Variants in VASN observed in about 807,000 individuals in gnomAD.
The protein encoded by VASN is protein slit-like 2.
In VASN, 5 loss-of-function variants were observed where a neutral mutation model predicts 4.8. The observed-to-expected ratio is 1.03, with a 90% CI of 0.54 to 2.17. VASN has a LOEUF of 2.17. VASN is among the 30% of genes most tolerant of loss of function. The pLI, the probability that VASN is intolerant of heterozygous loss-of-function variation, is 0.01. For synonymous variants in VASN, 499 were observed against 460.8 expected (o/e 1.08, Z -1.06); for missense variants, 927 against 948.8 (o/e 0.98, Z 0.30).
chr16:4,374,086 C>CGTGTGTGTGTGTGTGT (rs112578905), intron 1 of VASN, among the ~76,000 whole-genome samples: 10 of 148,774 alleles, frequency 6.7e-5, no homozygotes, highest in African/African-American at 2.2e-4. Context: ...GGAGGGTGCA[C>CGTGTGTGTGTGTGTGT]GTGTGTGTGT....
At chr16:4,377,831 A>G (rs1340838365) in intron 1 of VASN, among the ~76,000 whole-genome samples, 1 of 152,116 alleles carries the variant, frequency 6.6e-6, no homozygotes, top group Admixed American at 6.5e-5. Flanking sequence ...CGCACATTTT[A>G]CGGGGCTGGG....
intron 1 of VASN, among the ~76,000 whole-genome samples, chr16:4,373,609 C>A: frequency 6.6e-6 from 1 of 152,176 alleles, no homozygotes; most frequent in East Asian, 1.9e-4. Context: ...AAGGGAGATG[C>A]CCCGGGCAGG....
chr16:4,382,020 C>T lies in VASN; in HGVS notation c.1143C>T (p.Ser381=), dbSNP rs1305951120. 6.2e-7 allele frequency: 1 copy of T among 1,602,460 alleles called. No individual in the cohort carries two copies. The highest frequency in any genetic ancestry group is 8.5e-7 in the Non-Finnish European group (1 of 1,176,276). ...LSSSLAPTWL[S]PTEPATEAPS... ...CTAGCTTGGCTCCTACCTGGCTTAGCCCCACAGAGCCGGCCACTGAGGCCC... is the reference window on the plus strand; with the variant it reads ...CTAGCTTGGCTCCTACCTGGCTTAGTCCCACAGAGCCGGCCACTGAGGCCC... Residue 381 remains serine (S), a synonymous_variant, in exon 2 of 2, where the codon AGC becomes AGT. Coordinates refer to ENST00000304735, the MANE Select transcript of VASN (RefSeq NM_138440.3).
intron 1 of VASN, among the ~76,000 whole-genome samples, chr16:4,378,497 C>T (rs1303292620): frequency 1.3e-5 from 2 of 152,174 alleles, no homozygotes; most frequent in Non-Finnish European, 2.9e-5. Flanking sequence ...GGGTCACTCA[C>T]AGCCCACATC....
At chr16:4,380,731 G>A in intron 1 of VASN, 138 bp from the exon 2 acceptor site, 5 of 989,146 alleles carry the variant, frequency 5.1e-6, no homozygotes, top group Non-Finnish European at 7.2e-6. Context: ...TCGGGGCACT[G>A]GCGACCTGAC....
chr16:4,375,710 G>C (rs915373091), intron 1 of VASN, among the ~76,000 whole-genome samples: 1 of 152,172 alleles, frequency 6.6e-6, no homozygotes, highest in Non-Finnish European at 1.5e-5. Context: ...GGATGGTCTC[G>C]ATCTCCTGAC....
At chr16:4,377,447 G>A (rs950773646) in intron 1 of VASN, among the ~76,000 whole-genome samples, 3 of 152,062 alleles carry the variant, frequency 2.0e-5, no homozygotes, top group Non-Finnish European at 4.4e-5. Flanking sequence ...CCAGGCGGGC[G>A]GGACAGCTCC....
chr16:4,380,285 G>A (rs2141242026), intron 1 of VASN, among the ~76,000 whole-genome samples: 3 of 152,250 alleles, frequency 2.0e-5, no homozygotes, highest in African/African-American at 7.2e-5. Flanking sequence ...CCACTTCCTG[G>A]CGGCCCGCAG....
chr16:4,374,921 G>C (rs2054665570), intron 1 of VASN, among the ~76,000 whole-genome samples: 1 of 152,120 alleles, frequency 6.6e-6, no homozygotes, highest in Non-Finnish European at 1.5e-5. Context: ...GGCCTTACTA[G>C]ATGGGTGCTT....
At chr16:4,373,379 G>A (rs994839326) in intron 1 of VASN, among the ~76,000 whole-genome samples, 6 of 152,156 alleles carry the variant, frequency 3.9e-5, no homozygotes, top group African/African-American at 7.2e-5. Context: ...TCTCCTGCAC[G>A]TTGGAACAGC....
intron 1 of VASN, among the ~76,000 whole-genome samples, chr16:4,374,063 T>A (rs1191568295): frequency 6.6e-6 from 1 of 150,618 alleles, no homozygotes; most frequent in Non-Finnish European, 1.5e-5. Flanking sequence ...TTGCGTGAGT[T>A]CTTGGAGAAG....
chr16:4,376,881 C>G (rs946611186), intron 1 of VASN, among the ~76,000 whole-genome samples: 1 of 152,216 alleles, frequency 6.6e-6, no homozygotes, highest in Admixed American at 6.5e-5. Flanking sequence ...CTGTGTAAAG[C>G]TGGCCTGAAA....
rs764437924 is a variant in VASN at position 4,382,604 on chromosome 16, T to A, written c.1727T>A (p.Leu576His). The part of the protein sequence containing the change: ...VTQAREGNLP[L>H]LIAPALAAVL... ...CAGGCCCGCGAGGGCAACCTGCCGC[T>A]CCTCATTGCGCCCGCCCTGGCCGCG... Residue 576 changes from leucine (L) to histidine (H), a missense_variant, in exon 2 of 2, where the codon CTC (leucine) becomes CAC (histidine). Coordinates refer to ENST00000304735, the MANE Select transcript of VASN (RefSeq NM_138440.3). 1.2e-4 allele frequency: 190 copies of A among 1,589,524 alleles called. No individual in the cohort carries two copies. Among genetic ancestry groups the A allele is most frequent in the Non-Finnish European group, 1.5e-4 (175 of 1,169,734 alleles).
At chr16:4,376,476 C>T (rs1027344205) in intron 1 of VASN, among the ~76,000 whole-genome samples, 2 of 152,164 alleles carry the variant, frequency 1.3e-5, no homozygotes, top group African/African-American at 2.4e-5. Context: ...ACAGGAGGGG[C>T]GTACTGGCCT....
At chr16:4,374,129 G>T (rs2054630354) in intron 1 of VASN, among the ~76,000 whole-genome samples, 3 of 151,208 alleles carry the variant, frequency 2.0e-5, no homozygotes, top group Admixed American at 2.0e-4. Context: ...TGCCCAGTGG[G>T]CGTGTGTCTG....
rs376654023 is a variant in VASN, at chr16:4,381,159, G to T, written c.282G>T (p.Gly94=). 1.2e-6 allele frequency: 2 copies of T among 1,611,306 alleles called. No homozygotes were observed. Among genetic ancestry groups the T allele is most frequent in the African/African-American group, 2.7e-5 (2 of 74,900 alleles). ...ACCAGATCGCCAGCCTGCCCAGCGG[G>T]GTCTTCCAGCCACTCGCCAACCTCA... ...SQNQIASLPS[G]VFQPLANLSN... Residue 94 remains glycine (G), a synonymous_variant, in exon 2 of 2, where the codon GGG becomes GGT. Coordinates refer to ENST00000304735, the MANE Select transcript of VASN (RefSeq NM_138440.3).
intron 1 of VASN, among the ~76,000 whole-genome samples, chr16:4,373,011 G>C (rs1026562611): frequency 2.0e-5 from 3 of 152,168 alleles, no homozygotes; most frequent in African/African-American, 7.2e-5. Context: ...CTGTACTTTG[G>C]GTGTTGAGGG....
chr16:4,378,811 G>C (rs1308028167), intron 1 of VASN, among the ~76,000 whole-genome samples: 1 of 152,090 alleles, frequency 6.6e-6, no homozygotes, highest in Non-Finnish European at 1.5e-5. Context: ...ACGACAGCAA[G>C]GGGGACACCG....
chr16:4,379,880 TAAAA>T (rs34020450), intron 1 of VASN, among the ~76,000 whole-genome samples: 2 of 109,204 alleles, frequency 1.8e-5, no homozygotes, highest in Non-Finnish European at 1.8e-5. Context: ...CTGTCTCTAC[TAAAA>T]AAAAAAAAAA....
Sources: allele counts gnomAD v4.1 joint callset (sites outside exome capture counted in the v4.1 genomes callset), GRCh38; gene constraint gnomAD v4.1.1; transcripts MANE v1.5; gene names NCBI Gene and HGNC (gene_info 2026-07-23, HGNC 2026-07-21).